C11orf65: variants seen among roughly 807,000 people sequenced by gnomAD.
C11orf65 encodes protein MFI.
A neutral mutation model predicts 35.3 loss-of-function variants in C11orf65; 38 were observed. That is an observed-to-expected ratio of 1.08 (90% CI 0.83 to 1.41). C11orf65 has a LOEUF of 1.41. Ranked by LOEUF, C11orf65 falls within the 40% of genes most tolerant of loss-of-function variation. The pLI, the probability that C11orf65 is intolerant of heterozygous loss-of-function variation, is 0.00. For missense variants in C11orf65, 370 were observed against 367.1 expected, an observed-to-expected ratio of 1.01 and a Z score of -0.06; for synonymous variants, 105 against 114.4, an observed-to-expected ratio of 0.92 and a Z score of 0.53.
At chr11:108,410,631 A>G (rs2092636712) in intron 3 of C11orf65, among the ~76,000 whole-genome samples, 1 of 152,064 alleles carries the variant, frequency 6.6e-6, no homozygotes, top group Admixed American at 6.6e-5. Context: ...CTGGGATTAC[A>G]GATGCGAACC....
At chr11:108,331,183 T>G, downstream of C11orf65, 1 of 1,154,122 alleles carries the variant, frequency 8.7e-7, no homozygotes, top group Non-Finnish European at 1.1e-6. Context: ...TTTTGGAATA[T>G]AAACAGTACC....
chr11:108,468,138 G>T (rs569469501), upstream of C11orf65, among the ~76,000 whole-genome samples: 60 of 152,154 alleles, frequency 3.9e-4, no homozygotes, highest in Non-Finnish European at 7.9e-4. Flanking sequence ...GAACCACCGC[G>T]CCCGGCCTAT....
At position 108,315,863 on chromosome 11, in the gene C11orf65, ATAGT is replaced by A. The variant is rs1591776808; in HGVS notation, c.641-6796_641-6793del. 6.2e-7 allele frequency: 1 copy of A among 1,613,578 alleles called. No homozygotes were observed. Among genetic ancestry groups the A allele is most frequent in the South Asian group, 1.1e-5 (1 of 91,068 alleles). On this transcript the variant is annotated intron_variant, in intron 6 of 6. Transcript: ENST00000525729. ...ATCTACAGAAGTATAGGGGAGCCAG[ATAGT>A]TTGTATGGCTGTGGTGGAGGGAAGA...
chr11:108,417,306 G>A (rs2092749396), intron 3 of C11orf65, among the ~76,000 whole-genome samples: 1 of 152,116 alleles, frequency 6.6e-6, no homozygotes, highest in African/African-American at 2.4e-5. Flanking sequence ...ACTTTGGGAG[G>A]CCGAGGCAGG....
At chr11:108,344,940 T>C (rs1191003677) in intron 2 of C11orf65, among the ~76,000 whole-genome samples, 1 of 151,896 alleles carries the variant, frequency 6.6e-6, no homozygotes, top group Admixed American at 6.6e-5. Flanking sequence ...GGGGCCAAAA[T>C]TGCAGTGAGC....
chr11:108,369,548 T>C (rs2091488491), intron 2 of C11orf65, among the ~76,000 whole-genome samples: 1 of 152,194 alleles, frequency 6.6e-6, no homozygotes, highest in Non-Finnish European at 1.5e-5. Context: ...ACAAAATGCA[T>C]TTTGCATAAA....
Position 108,331,450 on chromosome 11 carries a change from G to A in C11orf65, c.*100C>T, listed in dbSNP as rs754395517. On this transcript the variant is annotated 3_prime_UTR_variant, in exon 4 of 4. Transcript: ENST00000524755. ...GTCTTTTTTTTAATGGTAGAGAGAC[G>A]GAATGAAGATTCCAACATATAAATT... 1.2e-5 allele frequency: 20 copies of A among 1,611,532 alleles called. No homozygotes were observed. The highest frequency in any genetic ancestry group is 4.5e-5 in the East Asian group (2 of 44,666).
chr11:108,345,846 A>G, intron 2 of C11orf65: 2 of 1,613,882 alleles, frequency 1.2e-6, no homozygotes, highest in Non-Finnish European at 1.7e-6. Flanking sequence ...AAATTCTTGG[A>G]TCCAGCTATT....
chr11:108,331,249 A>G (rs1023865544), downstream of C11orf65: 15 of 1,296,364 alleles, frequency 1.2e-5, no homozygotes, highest in South Asian at 3.9e-5. Flanking sequence ...TGATTTACCA[A>G]TGCATTAATC....
chr11:108,406,571 G>A (rs2092544706), intron 5 of C11orf65, among the ~76,000 whole-genome samples, 192 bp downstream of exon 5: 1 of 152,128 alleles, frequency 6.6e-6, no homozygotes, highest in Admixed American at 6.6e-5. Flanking sequence ...AGAAATAAAT[G>A]TAGTAAGAAA....
chr11:108,445,303 C>T (rs1176653891), intron 2 of C11orf65, among the ~76,000 whole-genome samples: 1 of 152,192 alleles, frequency 6.6e-6, no homozygotes. Flanking sequence ...GGGCAGACTG[C>T]CTCCTCAAGT....
intron 3 of C11orf65, among the ~76,000 whole-genome samples, chr11:108,425,518 C>CA (rs1208251287): frequency 6.6e-6 from 1 of 152,000 alleles, no homozygotes; most frequent in African/African-American, 2.4e-5. Flanking sequence ...GGCTACCAAC[C>CA]AAAAAAATCC....
At chr11:108,441,689 C>G (rs2093157077) in intron 2 of C11orf65, among the ~76,000 whole-genome samples, 1 of 152,358 alleles carries the variant, frequency 6.6e-6, no homozygotes, top group East Asian at 1.9e-4. Context: ...GCAGCCTCCG[C>G]TGGTGATACC....
At chr11:108,378,234 T>C (rs1251608842), downstream of C11orf65, among the ~76,000 whole-genome samples, 3 of 150,992 alleles carry the variant, frequency 2.0e-5, no homozygotes, top group Non-Finnish European at 1.5e-5. Flanking sequence ...CAAACTATAC[T>C]ACAAGGCTAC....
At chr11:108,437,570 G>C (rs1395032200) in intron 2 of C11orf65, among the ~76,000 whole-genome samples, 1 of 151,648 alleles carries the variant, frequency 6.6e-6, no homozygotes, top group Non-Finnish European at 1.5e-5. Flanking sequence ...TGGGCATGGT[G>C]GCGCATGTCT....
downstream of C11orf65, chr11:108,327,533 C>A: frequency 3.7e-6 from 3 of 818,912 alleles, no homozygotes; most frequent in South Asian, 3.1e-5. Context: ...TTTTTTTTTC[C>A]CACCCACCAA....
intron 2 of C11orf65, chr11:108,353,708 TG>T: frequency 7.3e-7 from 1 of 1,373,318 alleles, no homozygotes; most frequent in East Asian, 2.3e-5. Context: ...ACATTCTAAC[TG>T]GAAAGAAAGT....
At chr11:108,394,146 C>T (rs1255649199) in intron 6 of C11orf65, among the ~76,000 whole-genome samples, 1 of 146,532 alleles carries the variant, frequency 6.8e-6, no homozygotes, top group African/African-American at 2.5e-5. Context: ...TGAAACTGCA[C>T]TCCAGCCTGG....
intron 6 of C11orf65, among the ~76,000 whole-genome samples, chr11:108,315,063 A>C (rs1314973358): frequency 6.6e-6 from 1 of 152,228 alleles, no homozygotes; most frequent in Non-Finnish European, 1.5e-5. Context: ...ATCAAGGCTT[A>C]TAGTATTGCA....
Sources: gnomAD v4.1 joint callset for allele counts (sites outside exome capture counted in the v4.1 genomes callset) on GRCh38, gnomAD v4.1.1 for gene constraint, MANE v1.5 for transcripts, NCBI Gene and HGNC (gene_info 2026-07-23, HGNC 2026-07-21) for gene names.